The following TNN variants were observed in gnomAD, a reference collection of about 807,000 sequenced individuals.
TNN encodes the protein tenascin N, also known as tenascin-N.
In TNN, 122 loss-of-function variants were observed where a neutral mutation model predicts 134.4. The observed-to-expected ratio is 0.91, with a 90% CI of 0.78 to 1.06. TNN has a LOEUF of 1.06. TNN is among the 50% of genes least tolerant of loss of function. TNN has a pLI of 0.00. For missense variants in TNN, 1,739 were observed against 1,699.4 expected (o/e 1.02, Z -0.41); for synonymous variants, 710 against 670.3 (o/e 1.06, Z -0.91).
intron 11 of TNN, among the ~76,000 whole-genome samples, chr1:175,121,230 T>C (rs1423495175): frequency 3.9e-5 from 6 of 152,230 alleles, no homozygotes; most frequent in Non-Finnish European, 8.8e-5. Flanking sequence ...GAGAGATCTG[T>C]TGGACAGTAA....
At chr1:175,112,757 A>G (rs1295072768) in intron 9 of TNN, among the ~76,000 whole-genome samples, 2 of 151,692 alleles carry the variant, frequency 1.3e-5, no homozygotes, top group Non-Finnish European at 2.9e-5. Context: ...AGCTGGGACT[A>G]TAGGCATGTG....
intron 15 of TNN, among the ~76,000 whole-genome samples, chr1:175,133,645 CT>C (rs778344387): frequency 2.0e-5 from 3 of 152,180 alleles, no homozygotes; most frequent in Admixed American, 6.5e-5. Context: ...TTCTAGGCCA[CT>C]TTATCTTTTC....
chr1:175,085,888 A>AAAG (rs1354926006), intron 6 of TNN, among the ~76,000 whole-genome samples: 4 of 151,796 alleles, frequency 2.6e-5, no homozygotes, highest in Admixed American at 1.3e-4. Context: ...AAAAAAAAAA[A>AAAG]AAAAAAGAGA....
At chr1:175,120,073 G>A (rs1298667417) in intron 11 of TNN, among the ~76,000 whole-genome samples, 1 of 152,206 alleles carries the variant, frequency 6.6e-6, no homozygotes, top group Admixed American at 6.5e-5. Context: ...AAGCTATTTT[G>A]TATAGGTTTG....
intron 15 of TNN, among the ~76,000 whole-genome samples, chr1:175,134,328 C>T (rs528784236): frequency 5.9e-5 from 9 of 152,194 alleles, no homozygotes; most frequent in East Asian, 1.9e-4. Context: ...GGGTGGATCA[C>T]GAAGTCAGGA....
At chr1:175,075,419 C>T (rs1349722642) in intron 1 of TNN, among the ~76,000 whole-genome samples, 1 of 152,092 alleles carries the variant, frequency 6.6e-6, no homozygotes, top group Non-Finnish European at 1.5e-5. Context: ...ATCTCAGCCT[C>T]CCAAGAAGCT....
At chr1:175,074,349 G>A (rs1484507281) in intron 1 of TNN, among the ~76,000 whole-genome samples, 2 of 152,114 alleles carry the variant, frequency 1.3e-5, no homozygotes, top group African/African-American at 4.8e-5. Flanking sequence ...GCCAGGCACT[G>A]TGACATATAC....
At chr1:175,097,886 T>C (rs1237615293) in intron 8 of TNN, among the ~76,000 whole-genome samples, 2 of 152,178 alleles carry the variant, frequency 1.3e-5, no homozygotes, top group African/African-American at 4.8e-5. Context: ...CTTGGCCCAC[T>C]GAAAGAGAGA....
intron 9 of TNN, among the ~76,000 whole-genome samples, chr1:175,110,159 T>C (rs1221483641): frequency 6.6e-6 from 1 of 152,250 alleles, no homozygotes; most frequent in Admixed American, 6.5e-5. Flanking sequence ...ATGTCTTCTT[T>C]TGAGAAATGT....
chr1:175,144,554 G>T lies in TNN; in HGVS notation c.3759+4G>T. The stretch of plus-strand genomic sequence containing the variant: ...TGGGGAGACCAAGCACAGTGAGGTA[G>T]GTGACAGGTGAATGTCTTTTCTGTC... On this transcript the variant is annotated splice_donor_region_variant and intron_variant, in intron 18 of 18. Coordinates refer to ENST00000239462, the MANE Select transcript of TNN (RefSeq NM_022093.2). 1 of 1,613,756 alleles carries T rather than the reference G, an allele frequency of 6.2e-7. No individual in the cohort carries two copies.
intron 17 of TNN, 40 bp downstream of exon 17, chr1:175,137,028 G>C (rs112118892): frequency 6.9e-6 from 11 of 1,604,320 alleles, no homozygotes; most frequent in Admixed American, 1.7e-5. Flanking sequence ...GTCTCTTGCT[G>C]TCTGTTGTGT....
At chr1:175,079,221 C>A in intron 2 of TNN, 112 bp from the exon 3 acceptor site, 2 of 1,283,612 alleles carry the variant, frequency 1.6e-6, no homozygotes, top group Non-Finnish European at 1.0e-6. Flanking sequence ...AATCACCAGA[C>A]CCTTAAGAGT....
At chr1:175,071,587 G>A (rs999581830) in intron 1 of TNN, among the ~76,000 whole-genome samples, 4 of 152,186 alleles carry the variant, frequency 2.6e-5, no homozygotes, top group Admixed American at 2.0e-4. Flanking sequence ...GCAGAACGGA[G>A]GACATCTGGT....
intron 15 of TNN, 82 bp downstream of exon 15, chr1:175,128,828 G>C: frequency 1.4e-6 from 2 of 1,398,990 alleles, no homozygotes; most frequent in Non-Finnish European, 1.9e-6. Flanking sequence ...GCTCCATAGA[G>C]TGTTTGGAGC....
chr1:175,115,558 T>C (rs1675146221), intron 9 of TNN, among the ~76,000 whole-genome samples: 1 of 152,084 alleles, frequency 6.6e-6, no homozygotes, highest in Non-Finnish European at 1.5e-5. Context: ...CGCTTGGAGA[T>C]GTCAGGTCAC....
At chr1:175,119,028 A>G (rs1675271043) in intron 11 of TNN, among the ~76,000 whole-genome samples, 1 of 152,244 alleles carries the variant, frequency 6.6e-6, no homozygotes, top group Admixed American at 6.5e-5. Flanking sequence ...AGAAAGAACA[A>G]CGTGTTATAG....
chr1:175,136,006 A>C lies in TNN; in HGVS notation c.3427+65A>C. On this transcript the variant is annotated intron_variant, in intron 16 of 18. Transcript: ENST00000239462. ...TGATTTCTCCCAGGACAAGCTAGCT[A>C]GGAGGCTTAGGGAAGCTCACCACCT... is the stretch of plus-strand genomic sequence containing the variant. 2.5e-6 allele frequency: 3 copies of C among 1,223,218 alleles called. No homozygotes were observed. The South Asian group carries it at 3.6e-5, about 15-fold the overall frequency. 75.8% of individuals were successfully genotyped at this position (1,223,218 alleles called of 1,614,324 possible). A position where few individuals can be genotyped will look rare whatever the true frequency, so the allele number is the denominator to read the frequency against.
At chr1:175,136,033 C>A in intron 16 of TNN, 92 bp downstream of exon 16, 1 of 880,184 alleles carries the variant, frequency 1.1e-6, no homozygotes, top group Non-Finnish European at 1.9e-6. Flanking sequence ...TCACCACCTT[C>A]ACAGAGAGGC....
intron 17 of TNN, among the ~76,000 whole-genome samples, chr1:175,142,232 C>T (rs1448331192): frequency 1.3e-5 from 2 of 152,162 alleles, no homozygotes; most frequent in Non-Finnish European, 2.9e-5. Flanking sequence ...AAGTGGCCTC[C>T]GTGGCCCCAG....
Sources: allele counts gnomAD v4.1 joint callset (sites outside exome capture counted in the v4.1 genomes callset), GRCh38; gene constraint gnomAD v4.1.1; transcripts MANE v1.5; gene names NCBI Gene and HGNC (gene_info 2026-07-23, HGNC 2026-07-21).